The following DNAH14 variants were observed in gnomAD, a reference collection of about 807,000 sequenced individuals.
The protein encoded by DNAH14 is axonemal beta dynein heavy chain 14.
A neutral mutation model predicts 520.9 loss-of-function variants in DNAH14; 478 were observed. That is an observed-to-expected ratio of 0.92 (90% confidence interval 0.85 to 0.99). DNAH14 has a LOEUF of 0.99. Ranked by LOEUF, DNAH14 falls within the 50% of genes least tolerant of loss-of-function variation. DNAH14 has a pLI of 0.00. For synonymous variants in DNAH14, 1,581 were observed against 1,757.2 expected, an observed-to-expected ratio of 0.90 and a Z score of 2.51; for missense variants, 4,831 against 5,234.5, an observed-to-expected ratio of 0.92 and a Z score of 2.38.
At position 225,335,353 on chromosome 1, in the gene DNAH14, GCATATACACGTGTACATGTGTGTGTATA is replaced by G. The variant is rs2094931759; in HGVS notation, c.10080+1848_10080+1875del. Reference sequence around the variant, plus strand: ...CACGTGTGTACATGTGTGTGTATATGCATATACACGTGTACATGTGTGTGTATATGCACATATACACATGTGTACATGT... The same window carrying G: ...CACGTGTGTACATGTGTGTGTATATGTGCACATATACACATGTGTACATGT... On this transcript the variant is annotated intron_variant, in intron 66 of 85. Coordinates refer to ENST00000682510, the MANE Select transcript of DNAH14 (RefSeq NM_001367479.1). 4.1e-4 allele frequency among the ~76,000 whole-genome samples: 16 copies of G among 39,416 alleles called. 2 individuals are homozygous for G. The highest frequency in any genetic ancestry group is 2.4e-3 in the Admixed American group (10 of 4,176). 25.9% of individuals were successfully genotyped at this position (39,416 alleles called of 152,430 possible).
intron 8 of DNAH14, among the ~76,000 whole-genome samples, chr1:224,980,354 C>T (rs2062173667): frequency 1.3e-5 from 2 of 152,170 alleles, no homozygotes; most frequent in African/African-American, 4.8e-5. Flanking sequence ...AAGGTACTCC[C>T]TATGGGCCTG....
chr1:225,023,766 G>A lies in DNAH14; in HGVS notation c.1259G>A (p.Arg420His), dbSNP rs889773123. 3.4e-5 allele frequency: 52 copies of A among 1,550,542 alleles called. No homozygotes were observed. The Admixed American group carries it at 4.1e-4, about 12-fold the overall frequency. ...GACTACATATTTCAGGAACTCATTC[G>A]TCAACTTATGAACACTGCAGTCACA... ...LVDYIFQELI[R>H]QLMNTAVTLL... The change falls in exon 11 of 86, where the codon CGT becomes CAT. Residue 420 changes from arginine to histidine, a missense_variant. Arg to His is a conservative substitution (Grantham distance 29). Transcript: ENST00000682510.
chr1:225,011,311 T>C (rs2064719701), intron 10 of DNAH14, among the ~76,000 whole-genome samples: 1 of 152,202 alleles, frequency 6.6e-6, no homozygotes, highest in South Asian at 2.1e-4. Flanking sequence ...TTTGTTCTCA[T>C]TGGTTTCAAA....
At chr1:224,932,632 T>C (rs1268676115) in intron 1 of DNAH14, among the ~76,000 whole-genome samples, 1 of 152,176 alleles carries the variant, frequency 6.6e-6, no homozygotes, top group African/African-American at 2.4e-5. Flanking sequence ...TGGTCCAGTT[T>C]CATTCTTCTG....
Position 225,257,829 on chromosome 1 carries a change from C to G in DNAH14, c.6866-131C>G, listed in dbSNP as rs540949315. On this transcript the variant is annotated intron_variant, in intron 44 of 85. Transcript: ENST00000682510. ...GGATTACAGGCGTGAGCCACCGTGC[C>G]CAGCCAGCCATGTACTTTTCATATA... The G allele has an allele frequency of 4.3e-5, 33 of 759,428 alleles. No homozygotes were observed. In the Admixed American group the frequency reaches 8.2e-4, roughly 19 times the overall value. 47.0% of individuals were successfully genotyped at this position (759,428 alleles called of 1,614,324 possible).
rs956861220 is a variant in DNAH14 at position 225,002,844 on chromosome 1, A to G, written c.892A>G (p.Ile298Val). The change falls in exon 9 of 86, where the codon ATA becomes GTA. Residue 298 changes from isoleucine to valine, a missense_variant. Coordinates refer to ENST00000682510, the MANE Select transcript of DNAH14 (RefSeq NM_001367479.1). ...CTTGTTTCAAACCTGTTTGGTTTATATAAGAGGACTTTGTGAAGATGCAAT... is the reference window on the plus strand; with the variant it reads ...CTTGTTTCAAACCTGTTTGGTTTATGTAAGAGGACTTTGTGAAGATGCAAT... ...DDLFQTCLVY[I>V]RGLCEDAINL... The G allele has an allele frequency of 5.2e-6, 8 of 1,549,752 alleles. No individual in the cohort carries two copies. The highest frequency in any genetic ancestry group is 2.7e-5 in the African/African-American group (2 of 72,942).
chr1:225,331,535 T>C lies in DNAH14; in HGVS notation c.9822T>C (p.Phe3274=). The change falls in exon 65 of 86, where the codon TTT becomes TTC. Residue 3274 remains phenylalanine (F), a synonymous_variant. Coordinates refer to ENST00000682510, the MANE Select transcript of DNAH14 (RefSeq NM_001367479.1). Reference sequence around the variant, plus strand: ...GGAAAACAATGGCCAGCAGGCGCTTTCAGTGTGCGTCAGTCTTACTAACTG... The same window carrying C: ...GGAAAACAATGGCCAGCAGGCGCTTCCAGTGTGCGTCAGTCTTACTAACTG... The part of the protein sequence containing the change: ...ANRKTMASRR[F]QCASVLLTVL... The C allele has an allele frequency of 6.4e-7, 1 of 1,551,506 alleles. No individual in the cohort carries two copies. The highest frequency in any genetic ancestry group is 8.7e-7 in the Non-Finnish European group (1 of 1,146,860).
Position 225,132,987 on chromosome 1 carries a change from T to C in DNAH14, c.4255-7781T>C, listed in dbSNP as rs2078587476. Among the ~76,000 whole-genome samples the C allele has an allele frequency of 2.0e-5, 3 of 152,232 alleles. No individual in the cohort carries two copies. In the South Asian group the frequency reaches 6.2e-4, roughly 32 times the overall value. The stretch of plus-strand genomic sequence containing the variant: ...CTCTAACAATTAGTAATGTTGAGGT[T>C]TTTTTCAAATGTTTGTTGGGCGCAT... On this transcript the variant is annotated intron_variant, in intron 27 of 85. Transcript: ENST00000682510.
intron 10 of DNAH14, among the ~76,000 whole-genome samples, chr1:225,019,924 A>G (rs886768200): frequency 5.3e-5 from 8 of 152,094 alleles, no homozygotes; most frequent in Admixed American, 5.2e-4. Context: ...TCAAATTAAG[A>G]CTCTAATTAT....
At chr1:225,055,504 C>G (rs1229784280) in intron 17 of DNAH14, among the ~76,000 whole-genome samples, 1 of 151,900 alleles carries the variant, frequency 6.6e-6, no homozygotes, top group Non-Finnish European at 1.5e-5. Flanking sequence ...GCATGTACAA[C>G]CATAGCTAAA....
At chr1:225,345,500 T>C (rs2095272744) in intron 69 of DNAH14, among the ~76,000 whole-genome samples, 1 of 152,208 alleles carries the variant, frequency 6.6e-6, no homozygotes, top group Non-Finnish European at 1.5e-5. Context: ...TATTAGTGGG[T>C]TGAGAAATAA....
At chr1:225,131,970 TAAGAGTTTCCATGG>T (rs2078467111) in intron 27 of DNAH14, among the ~76,000 whole-genome samples, 1 of 152,044 alleles carries the variant, frequency 6.6e-6, no homozygotes, top group Non-Finnish European at 1.5e-5. Flanking sequence ...AAGAAATTTA[TAAGAGTTTCCATGG>T]AAGAAGCTAA....
chr1:225,392,547 T>C (rs1194948138), intron 84 of DNAH14, 96 bp downstream of exon 84: 1 of 1,436,318 alleles, frequency 7.0e-7, no homozygotes, highest in Non-Finnish European at 9.4e-7. Flanking sequence ...TACTCAGCAC[T>C]TACCACATGC....
intron 64 of DNAH14, among the ~76,000 whole-genome samples, chr1:225,325,738 A>G (rs1004747380): frequency 6.6e-6 from 1 of 150,748 alleles, no homozygotes; most frequent in Non-Finnish European, 1.5e-5. Context: ...TTGACCTATT[A>G]CAGTCTTCCC....
chr1:225,049,752 A>T (rs2068333028), intron 15 of DNAH14, among the ~76,000 whole-genome samples: 1 of 147,424 alleles, frequency 6.8e-6, no homozygotes, highest in Non-Finnish European at 1.5e-5. Context: ...AGGTTTGTTT[A>T]TCTATCTGTC....
At chr1:225,250,594 T>C (rs1482321724) in intron 43 of DNAH14, 1 of 449,496 alleles carries the variant, frequency 2.2e-6, no homozygotes, top group African/African-American at 2.0e-5. Flanking sequence ...GAAACGGTTT[T>C]ACAGTTTTGT....
intron 50 of DNAH14, 90 bp from the exon 51 acceptor site, chr1:225,271,816 T>C: frequency 1.0e-6 from 1 of 974,868 alleles, no homozygotes; most frequent in Non-Finnish European, 1.5e-6. Context: ...TCCATTATAG[T>C]ACACAAGTCC....
At chr1:225,378,001 C>A (rs1021150272) in intron 79 of DNAH14, among the ~76,000 whole-genome samples, 40 of 151,968 alleles carry the variant, frequency 2.6e-4, no homozygotes, top group African/African-American at 9.0e-4. Flanking sequence ...TATTTTATAT[C>A]AATCTAACAA....
At chr1:225,356,829 A>G (rs113803005) in intron 73 of DNAH14, among the ~76,000 whole-genome samples, 2,252 of 152,256 alleles carry the variant, frequency 0.015, 58 homozygotes, top group African/African-American at 0.051. Flanking sequence ...AAAAATAACT[A>G]GACTTTAAAC....
Sources: gnomAD v4.1 joint callset for allele counts (sites outside exome capture counted in the v4.1 genomes callset) on GRCh38, gnomAD v4.1.1 for gene constraint, MANE v1.5 for transcripts, NCBI Gene and HGNC (gene_info 2026-07-23, HGNC 2026-07-21) for gene names.